Variants in VPS13A observed in about 807,000 individuals in gnomAD.
VPS13A encodes the protein vacuolar protein sorting 13 homolog A.
A neutral mutation model predicts 390.9 loss-of-function variants in VPS13A; 264 were observed. The observed-to-expected ratio is 0.68, with a 90% CI of 0.61 to 0.75. VPS13A has a LOEUF of 0.75. Ranked by LOEUF, VPS13A falls within the 30% of genes least tolerant of loss-of-function variation. VPS13A has a pLI of 0.00. For missense variants in VPS13A, 3,409 were observed against 3,733.9 expected, an observed-to-expected ratio of 0.91 and a Z score of 2.27; for synonymous variants, 1,231 against 1,227.1, an observed-to-expected ratio of 1.00 and a Z score of -0.07.
intron 44 of VPS13A, among the ~76,000 whole-genome samples, chr9:77,322,367 T>C (rs937242954): frequency 2.0e-5 from 3 of 151,960 alleles, no homozygotes; most frequent in Non-Finnish European, 2.9e-5. Context: ...ACACCACTTT[T>C]TGATACTCTG....
intron 22 of VPS13A, among the ~76,000 whole-genome samples, chr9:77,253,508 T>C (rs994065655): frequency 6.6e-6 from 1 of 152,094 alleles, no homozygotes; most frequent in Non-Finnish European, 1.5e-5. Context: ...GATTTCACCG[T>C]GTTAGCCAGG....
intron 71 of VPS13A, among the ~76,000 whole-genome samples, chr9:77,412,760 A>T (rs1352126301): frequency 6.6e-6 from 1 of 152,212 alleles, no homozygotes. Context: ...GCAATCAGGC[A>T]GGAGAAGGAA....
In VPS13A at chr9:77,270,124, A is replaced by G. The variant is rs533947643; in HGVS notation, c.2428-3156A>G. ...TCTCATATACGTTTTGGTACCAAGC[A>G]GTGAGTTGTTGCTTAACAAGCACTT... is the stretch of plus-strand genomic sequence containing the variant. On this transcript the variant is annotated intron_variant, in intron 23 of 71. Transcript: ENST00000360280. Among the ~76,000 whole-genome samples, 22 of 152,348 alleles carry G rather than the reference A, an allele frequency of 1.4e-4. No homozygotes were observed. The East Asian group carries it at 3.7e-3, about 25-fold the overall frequency.
chr9:77,339,963 T>A, intron 48 of VPS13A, 52 bp downstream of exon 48: 1 of 1,586,884 alleles, frequency 6.3e-7, no homozygotes. Flanking sequence ...TTGTCACTTT[T>A]TAGTTTTTAA....
intron 71 of VPS13A, among the ~76,000 whole-genome samples, chr9:77,413,721 A>G (rs1835047153): frequency 6.6e-6 from 1 of 152,248 alleles, no homozygotes; most frequent in Non-Finnish European, 1.5e-5. Flanking sequence ...CAATGGCAAC[A>G]AAAGCCAAAA....
rs1217185140 is a variant in VPS13A, at chr9:77,177,611, C to A, written c.-94C>A. 8.4e-7 allele frequency: 1 copy of A among 1,194,770 alleles called. No individual in the cohort carries two copies. The highest frequency in any genetic ancestry group is 1.2e-6 in the Non-Finnish European group (1 of 824,556). The allele number at this position is 1,194,770 out of a possible 1,614,324, so 74.0% of individuals were successfully genotyped here. A position where few individuals can be genotyped will look rare whatever the true frequency, so the allele number is the denominator to read the frequency against. ...GCCGCAGCTGAAGCCGCCCCGGAGC[C>A]GGTGAACCGAATTACCTCGAGGGAG... On this transcript the variant is annotated 5_prime_UTR_variant, in exon 1 of 72. Coordinates refer to ENST00000360280, the MANE Select transcript of VPS13A (RefSeq NM_033305.3).
At chr9:77,226,094 G>C in intron 14 of VPS13A, 106 bp downstream of exon 14, 1 of 1,060,518 alleles carries the variant, frequency 9.4e-7, no homozygotes, top group Non-Finnish European at 1.4e-6. Context: ...TCCAAAAAGT[G>C]GTTCAATTTG....
At chr9:77,365,147 G>C (rs749471731) in intron 59 of VPS13A, among the ~76,000 whole-genome samples, 11 of 152,144 alleles carry the variant, frequency 7.2e-5, no homozygotes, top group Non-Finnish European at 1.6e-4. Flanking sequence ...TATGTTTAAA[G>C]AAACAAATAT....
At position 77,368,044 on chromosome 9, in the gene VPS13A, G is replaced by C. The variant is rs1281741862; in HGVS notation, c.8472-11G>C. ...ACATGTACAGACAATATATTTTTAC[G>C]CTTTTTTCAGGCTTGCATTTTTTGA... On this transcript the variant is annotated splice_polypyrimidine_tract_variant and intron_variant, in intron 61 of 71. Coordinates refer to ENST00000360280, the MANE Select transcript of VPS13A (RefSeq NM_033305.3). The C allele has an allele frequency of 1.2e-6, 2 of 1,606,966 alleles. No individual in the cohort carries two copies. Among genetic ancestry groups the C allele is most frequent in the East Asian group, 2.2e-5 (1 of 44,712 alleles).
At chr9:77,317,742 A>T in intron 40 of VPS13A, 44 bp downstream of exon 40, 2 of 1,421,756 alleles carry the variant, frequency 1.4e-6, no homozygotes, top group South Asian at 1.3e-5. Flanking sequence ...GCACTTAAAA[A>T]AAGTAGTAAA....
Position 77,322,982 on chromosome 9 carries a change from T to C in VPS13A, c.5831-85T>C, listed in dbSNP as rs866795596. 1.8e-4 allele frequency: 194 copies of C among 1,083,394 alleles called. 2 individuals are homozygous for C. In the Middle Eastern group the frequency reaches 3.2e-3, roughly 18 times the overall value. 67.1% of individuals were successfully genotyped at this position (1,083,394 alleles called of 1,614,324 possible). A position where few individuals can be genotyped will look rare whatever the true frequency, so the allele number is the denominator to read the frequency against. ...CTATTATTTATAAGTTTAAGAATCA[T>C]CTGAAATTTCTAATATGTAACATAT... On this transcript the variant is annotated intron_variant, in intron 44 of 71. Transcript: ENST00000360280.
chr9:77,304,729 C>T (rs930138144), intron 34 of VPS13A, among the ~76,000 whole-genome samples: 1 of 152,232 alleles, frequency 6.6e-6, no homozygotes, highest in East Asian at 1.9e-4. Flanking sequence ...GAACTGCCCA[C>T]AAGTTCATAT....
At chr9:77,403,847 G>GA (rs1400090925) in intron 69 of VPS13A, among the ~76,000 whole-genome samples, 1 of 152,136 alleles carries the variant, frequency 6.6e-6, no homozygotes, top group Non-Finnish European at 1.5e-5. Flanking sequence ...TTAAACTAGG[G>GA]AAAAAATGAG....
intron 60 of VPS13A, among the ~76,000 whole-genome samples, chr9:77,366,110 A>G (rs1453462871): frequency 6.6e-6 from 1 of 152,130 alleles, no homozygotes; most frequent in Non-Finnish European, 1.5e-5. Flanking sequence ...AGCTTATGAC[A>G]GAGTTACATC....
At chr9:77,382,625 A>T (rs1833501766) in intron 68 of VPS13A, 2 of 1,021,452 alleles carry the variant, frequency 2.0e-6, no homozygotes, top group Admixed American at 5.7e-5. Flanking sequence ...ATCCAATTAC[A>T]CATGAAGAAG....
At chr9:77,292,251 C>T (rs1827715588) in intron 31 of VPS13A, among the ~76,000 whole-genome samples, 1 of 152,094 alleles carries the variant, frequency 6.6e-6, no homozygotes, top group African/African-American at 2.4e-5. Flanking sequence ...TCACATTAGT[C>T]CACACTTATC....
At chr9:77,236,324 T>C (rs546038253) in intron 17 of VPS13A, among the ~76,000 whole-genome samples, 7 of 152,332 alleles carry the variant, frequency 4.6e-5, no homozygotes, top group Admixed American at 2.0e-4. Flanking sequence ...AGTCTTTGAG[T>C]GTAAGCTTAT....
At chr9:77,280,077 A>G (rs1826925697) in intron 26 of VPS13A, 82 bp from the exon 27 acceptor site, 1 of 1,088,896 alleles carries the variant, frequency 9.2e-7, no homozygotes, top group Non-Finnish European at 1.3e-6. Flanking sequence ...TTCTTTTGCA[A>G]TTACATAATT....
rs760674329 is a variant in VPS13A, at chr9:77,353,394, G to A, written c.7420-15G>A. 5 of 1,416,012 alleles carry A rather than the reference G, an allele frequency of 3.5e-6. No individual in the cohort carries two copies. The highest frequency in any genetic ancestry group is 3.0e-5 in the African/African-American group (2 of 67,442). The allele number at this position is 1,416,012 out of a possible 1,614,324, so 87.7% of individuals were successfully genotyped here. On this transcript the variant is annotated splice_polypyrimidine_tract_variant and intron_variant, in intron 53 of 71. Coordinates refer to ENST00000360280, the MANE Select transcript of VPS13A (RefSeq NM_033305.3). ...ATTTTTTGGTTTTTTTTTTTTTTTG[G>A]TGGTTTTATTCTAGGATATGATGAT...
Sources: gnomAD v4.1 joint callset for allele counts (sites outside exome capture counted in the v4.1 genomes callset) on GRCh38, gnomAD v4.1.1 for gene constraint, MANE v1.5 for transcripts, NCBI Gene and HGNC (gene_info 2026-07-23, HGNC 2026-07-21) for gene names.